Variants in PTPRF observed in about 807,000 individuals in gnomAD.
The protein encoded by PTPRF is protein tyrosine phosphatase receptor type F.
In PTPRF, 59 loss-of-function variants were observed where a neutral mutation model predicts 201.8. The observed-to-expected ratio is 0.29, with a 90% CI of 0.24 to 0.36. The LOEUF is 0.36. Ranked by LOEUF, PTPRF falls within the 10% of genes least tolerant of loss-of-function variation. The probability of loss-of-function intolerance (pLI) is 1.00; values close to 1 mark genes in which losing one functional copy is unlikely to be tolerated. For synonymous variants in PTPRF, 1,088 were observed against 1,089.7 expected (o/e 1.00, Z 0.03); for missense variants, 2,132 against 2,690.5 (o/e 0.79, Z 4.59).
At position 43,569,648 on chromosome 1, in the gene PTPRF, G is replaced by A. The variant is rs1646435556; in HGVS notation, c.438G>A (p.Val146=). The A allele has an allele frequency of 1.2e-6, 2 of 1,613,830 alleles. No homozygotes were observed. Among genetic ancestry groups the A allele is most frequent in the Non-Finnish European group, 1.7e-6 (2 of 1,179,810 alleles). The change falls in exon 6 of 34, where the codon GTG becomes GTA. Residue 146 remains valine, a synonymous_variant. Transcript: ENST00000359947. ...ACATGGGGCCTCAGCTGAAGGTGGT[G>A]GAGAAGGCACGCACAGCCACCATGC... ...SIDMGPQLKV[V]EKARTATMLC...
chr1:43,532,610 C>A, intron 1 of PTPRF: 1 of 176,226 alleles, frequency 5.7e-6, no homozygotes, highest in Non-Finnish European at 1.3e-5. Context: ...GTGGGGAATC[C>A]TTTGGGAGGC....
intron 7 of PTPRF, chr1:43,582,394 G>A (rs947225311): frequency 6.6e-6 from 1 of 152,338 alleles, no homozygotes; most frequent in Non-Finnish European, 1.5e-5. Flanking sequence ...CAGGCATGCT[G>A]GGTGGGCCAG....
In PTPRF at chr1:43,598,883, C is replaced by G. The variant is rs749186153; in HGVS notation, c.2283C>G (p.Ile761Met). 1 of 1,614,086 alleles carries G rather than the reference C, an allele frequency of 6.2e-7. No individual in the cohort carries two copies. Among genetic ancestry groups the G allele is most frequent in the Non-Finnish European group, 8.5e-7 (1 of 1,179,984 alleles). ...LENGEPRGLP[I>M]IQDVMLAEAQ... ...ATGGCGAGCCCCGTGGACTCCCCAT[C>G]ATCCAAGACGTCATGCTAGCCGAGG... The change falls in exon 13 of 34, where the codon ATC becomes ATG. Residue 761 changes from isoleucine to methionine, a missense_variant. Transcript: ENST00000359947.
In PTPRF at chr1:43,603,477, C is replaced by T; in HGVS notation, c.2402C>T (p.Thr801Ile). Residue 801 changes from threonine (T) to isoleucine (I), a missense_variant, in exon 15 of 34, where the codon ACC becomes ATC. Physicochemically the swap from Thr to Ile is moderately conservative, Grantham distance 89. This residue lies in a region of PTPRF where 818 missense variants were observed against 915.3 expected (regional missense o/e 0.89). Transcript: ENST00000359947. The surrounding 1 kb of genome is among the most constrained non-coding windows in gnomAD (Gnocchi z 5.8). ...TACTCCGTTACTGTTGCTGCCTATA[C>T]CACCAAGGGGGATGGTGCCCGCAGC... The part of the protein sequence containing the change: ...TTYSVTVAAY[T>I]TKGDGARSKP... 6.2e-7 allele frequency: 1 copy of T among 1,614,142 alleles called. No individual in the cohort carries two copies. Among genetic ancestry groups the T allele is most frequent in the Non-Finnish European group, 8.5e-7 (1 of 1,180,016 alleles).
chr1:43,566,221 C>T (rs1236596526), intron 5 of PTPRF, among the ~76,000 whole-genome samples: 3 of 152,236 alleles, frequency 2.0e-5, no homozygotes, highest in Non-Finnish European at 4.4e-5. Flanking sequence ...ACCCGGTCTC[C>T]TCCCAGCCCC....
chr1:43,579,795 C>T, intron 7 of PTPRF: 1 of 152,730 alleles, frequency 6.5e-6, no homozygotes, highest in Non-Finnish European at 1.5e-5. Context: ...AAACTGTTGA[C>T]CGGGTGTGGT....
chr1:43,600,782 GCT>G (rs965118173), intron 13 of PTPRF, among the ~76,000 whole-genome samples: 4 of 151,700 alleles, frequency 2.6e-5, no homozygotes, highest in African/African-American at 9.7e-5. Context: ...TTTTTGTCTT[GCT>G]CTTTCTCTTC....
At chr1:43,610,878 T>C (rs1656271473) in intron 22 of PTPRF, among the ~76,000 whole-genome samples, 1 of 152,086 alleles carries the variant, frequency 6.6e-6, no homozygotes, top group Admixed American at 6.5e-5. Context: ...AATAAACAAA[T>C]AAATAAAATT....
upstream of PTPRF, among the ~76,000 whole-genome samples, chr1:43,526,894 C>T (rs775398316): frequency 1.3e-5 from 2 of 152,202 alleles, no homozygotes; most frequent in Non-Finnish European, 2.9e-5. Flanking sequence ...AATCCTTCCA[C>T]CTTTCTCTGC....
intron 27 of PTPRF, 33 bp from the exon 28 acceptor site, chr1:43,619,255 G>A (rs527670106): frequency 7.5e-6 from 12 of 1,609,572 alleles, no homozygotes; most frequent in South Asian, 3.3e-5. Context: ...AGGTGGGGGC[G>A]CCTGTGCCTC....
At chr1:43,562,905 C>T (rs1179608893) in intron 5 of PTPRF, among the ~76,000 whole-genome samples, 2 of 151,580 alleles carry the variant, frequency 1.3e-5, no homozygotes, top group East Asian at 4.0e-4. Context: ...AGGCCGGGCA[C>T]GGTGGATCAT....
intron 12 of PTPRF, 131 bp from the exon 13 acceptor site, chr1:43,598,589 T>C: frequency 1.2e-6 from 1 of 857,550 alleles, no homozygotes; most frequent in Non-Finnish European, 1.8e-6. Flanking sequence ...GGACAGATGA[T>C]CTAAGGAAAC....
intron 3 of PTPRF, 71 bp downstream of exon 3, chr1:43,545,237 A>G: frequency 6.8e-7 from 1 of 1,471,272 alleles, no homozygotes; most frequent in Non-Finnish European, 9.3e-7. Flanking sequence ...GGACTCTGGG[A>G]TGGGGACAGA....
chr1:43,592,295 T>C (rs1650991329), intron 10 of PTPRF, among the ~76,000 whole-genome samples, 162 bp from the exon 11 acceptor site: 1 of 152,154 alleles, frequency 6.6e-6, no homozygotes, highest in Non-Finnish European at 1.5e-5. Flanking sequence ...TGGCATGGGC[T>C]AAGCCCTGAG....
chr1:43,617,612 TGCTA>T (rs1483722116), intron 24 of PTPRF, 44 bp downstream of exon 24: 13 of 1,611,604 alleles, frequency 8.1e-6, no homozygotes, highest in Non-Finnish European at 1.0e-5. Context: ...CTCTCCCCCT[TGCTA>T]GCTAGGGCAA....
At chr1:43,614,709 G>A (rs1219533122) in intron 23 of PTPRF, among the ~76,000 whole-genome samples, 5 of 152,144 alleles carry the variant, frequency 3.3e-5, no homozygotes. Flanking sequence ...AAATTAGCCA[G>A]CTGTGGTGGC....
At chr1:43,574,382 T>A (rs1373264690) in intron 6 of PTPRF, among the ~76,000 whole-genome samples, 1 of 152,144 alleles carries the variant, frequency 6.6e-6, no homozygotes, top group Non-Finnish European at 1.5e-5. Context: ...CATTTTAAAA[T>A]AATAAAAACC....
intron 8 of PTPRF, among the ~76,000 whole-genome samples, 181 bp from the exon 9 acceptor site, chr1:43,590,791 T>C (rs2117315): frequency 0.31 from 47,154 of 152,204 alleles, 7,509 homozygotes; most frequent in East Asian, 0.48. Flanking sequence ...GCCTGGCCAC[T>C]GTCCCTCACT....
chr1:43,550,584 A>G (rs1168890684), intron 3 of PTPRF, among the ~76,000 whole-genome samples: 2 of 152,222 alleles, frequency 1.3e-5, no homozygotes, highest in African/African-American at 4.8e-5. Flanking sequence ...CTGGGACAGG[A>G]ATCCAGACAG....
Sources: allele counts gnomAD v4.1 joint callset (sites outside exome capture counted in the v4.1 genomes callset), GRCh38; gene constraint gnomAD v4.1.1; regional missense constraint gnomAD v4.1.1; non-coding constraint Gnocchi (gnomAD v3.1); transcripts MANE v1.5; gene names NCBI Gene and HGNC (gene_info 2026-07-23, HGNC 2026-07-21).